The following TRNAU1AP variants were observed in gnomAD, a reference collection of about 807,000 sequenced individuals.
The protein encoded by TRNAU1AP is tRNA selenocysteine 1-associated protein 1.
Under a neutral mutation model 43.3 loss-of-function variants are expected in TRNAU1AP, and 33 were observed. The observed-to-expected ratio is 0.76, with a 90% CI of 0.58 to 1.02. The LOEUF (loss-of-function observed/expected upper bound fraction) is 1.02, where lower values mean the gene tolerates loss of function less well. Ranked by LOEUF, TRNAU1AP falls within the 50% of genes least tolerant of loss-of-function variation. The pLI is 0.00. For synonymous variants in TRNAU1AP, 143 were observed against 129.1 expected (o/e 1.11, Z -0.73); for missense variants, 290 against 362.7 (o/e 0.80, Z 1.63).
chr1:28,555,825 A>C (rs1300402333), intron 2 of TRNAU1AP, among the ~76,000 whole-genome samples: 1 of 151,012 alleles, frequency 6.6e-6, no homozygotes, highest in African/African-American at 2.4e-5. Flanking sequence ...CTGGTATGAA[A>C]ATTCATTCTG....
chr1:28,553,740 A>G lies in TRNAU1AP; in HGVS notation c.125+3A>G. ...ATTATCCGAAACCGCCTCACTGGGT[A>G]AGTCTCATCTCAGGTCTCTCTTAAT... is the stretch of plus-strand genomic sequence containing the variant. On this transcript the variant is annotated splice_donor_region_variant and intron_variant, in intron 2 of 8. Transcript: ENST00000373830. 6.2e-7 allele frequency: 1 copy of G among 1,613,130 alleles called. No individual in the cohort carries two copies. Among genetic ancestry groups the G allele is most frequent in the Non-Finnish European group, 8.5e-7 (1 of 1,179,100 alleles).
At chr1:28,567,162 CTCTCTT>C (rs1330067024) in intron 5 of TRNAU1AP, 126 bp from the exon 6 acceptor site, 6 of 920,040 alleles carry the variant, frequency 6.5e-6, no homozygotes, top group South Asian at 4.8e-5. Flanking sequence ...TTAATGGACT[CTCTCTT>C]TCTCTTCTCA....
chr1:28,571,598 A>G (rs552113498), intron 7 of TRNAU1AP, among the ~76,000 whole-genome samples: 1 of 152,212 alleles, frequency 6.6e-6, no homozygotes, highest in Non-Finnish European at 1.5e-5. Flanking sequence ...CCTGGCCAAC[A>G]TGGTGAAACC....
chr1:28,561,909 A>G (rs1305841240), intron 4 of TRNAU1AP, among the ~76,000 whole-genome samples: 2 of 152,178 alleles, frequency 1.3e-5, no homozygotes, highest in East Asian at 1.9e-4. Flanking sequence ...CGTCTCTACT[A>G]AAAATACAAC....
intron 8 of TRNAU1AP, among the ~76,000 whole-genome samples, chr1:28,577,144 A>G (rs1006786747): frequency 2.0e-5 from 3 of 152,142 alleles, no homozygotes; most frequent in Admixed American, 1.3e-4. Flanking sequence ...TTCTTCCACT[A>G]TGCACTTATT....
At chr1:28,568,450 T>G (rs1665588033) in intron 6 of TRNAU1AP, among the ~76,000 whole-genome samples, 1 of 152,160 alleles carries the variant, frequency 6.6e-6, no homozygotes, top group Non-Finnish European at 1.5e-5. Context: ...AAATTTTGTG[T>G]TTTTTGTAGA....
rs374688110 is a variant in TRNAU1AP at position 28,555,857 on chromosome 1, CT to C, written c.125+2134del. ...TCTGTAACCTTTCTCATTTTTTTTTCTTTTTTTTTTTTTTGAGACGGAGTCT... is the reference window on the plus strand; with the variant it reads ...TCTGTAACCTTTCTCATTTTTTTTTCTTTTTTTTTTTTTGAGACGGAGTCT... On this transcript the variant is annotated intron_variant, in intron 2 of 8. Coordinates refer to ENST00000373830, the MANE Select transcript of TRNAU1AP (RefSeq NM_017846.5). Among the ~76,000 whole-genome samples, 673 of 126,552 alleles carry C rather than the reference CT, an allele frequency of 5.3e-3. 2 individuals are homozygous for C. The highest frequency in any genetic ancestry group is 0.015 in the African/African-American group (517 of 34,576). 83.0% of individuals were successfully genotyped at this position (126,552 alleles called of 152,430 possible).
intron 4 of TRNAU1AP, among the ~76,000 whole-genome samples, chr1:28,561,941 A>C (rs528904136): frequency 2.6e-5 from 4 of 152,022 alleles, no homozygotes; most frequent in Non-Finnish European, 2.9e-5. Context: ...GCGTGGTGGC[A>C]GGCGCCTGTA....
rs1570264815 is a variant in TRNAU1AP at position 28,578,539 on chromosome 1, A to G, written c.*903A>G. On this transcript the variant is annotated 3_prime_UTR_variant, in exon 9 of 9. Transcript: ENST00000373830. ...TACAAAAAAATACAAACACAAATATACTTTTATTAGTCTTTTTATTCTTCT... is the reference window on the plus strand; with the variant it reads ...TACAAAAAAATACAAACACAAATATGCTTTTATTAGTCTTTTTATTCTTCT... 1 of 340,134 alleles carries G rather than the reference A, an allele frequency of 2.9e-6. No homozygotes were observed. The highest frequency in any genetic ancestry group is 2.4e-5 in the South Asian group (1 of 41,228). The allele number at this position is 340,134 out of a possible 1,614,324, so 21.1% of individuals were successfully genotyped here.
chr1:28,557,838 T>C (rs1665304410), intron 2 of TRNAU1AP, among the ~76,000 whole-genome samples: 1 of 152,032 alleles, frequency 6.6e-6, no homozygotes, highest in Non-Finnish European at 1.5e-5. Context: ...CCACCCACCT[T>C]GGCCTCCCAA....
chr1:28,577,075 T>TAC (rs891338413), intron 8 of TRNAU1AP, among the ~76,000 whole-genome samples: 2 of 152,126 alleles, frequency 1.3e-5, no homozygotes, highest in African/African-American at 4.8e-5. Flanking sequence ...CTAAAGTACA[T>TAC]ACACACACAC....
At position 28,564,730 on chromosome 1, in the gene TRNAU1AP, C is replaced by G; in HGVS notation, c.306C>G (p.Asp102Glu). 6.2e-7 allele frequency: 1 copy of G among 1,613,960 alleles called. No homozygotes were observed. Among genetic ancestry groups the G allele is most frequent in the East Asian group, 2.2e-5 (1 of 44,874 alleles). The change falls in exon 5 of 9, where the codon GAC becomes GAG. Residue 102 changes from aspartate (D) to glutamate (E), a missense_variant. Asp to Glu is a conservative substitution (Grantham distance 45). This residue lies in a region of TRNAU1AP where 174 missense variants were observed against 262.1 expected (regional missense o/e 0.66). Transcript: ENST00000373830. ...CTGAGTATTCCCTCTTTGTGGGGGA[C>G]CTGACCCCGGACGTGGATGATGGCA... Reference protein sequence around the residue: ...NSPEYSLFVGDLTPDVDDGML... With the variant: ...NSPEYSLFVGELTPDVDDGML...
At chr1:28,571,999 C>A in intron 8 of TRNAU1AP, 99 bp downstream of exon 8, 1 of 1,077,448 alleles carries the variant, frequency 9.3e-7, no homozygotes, top group African/African-American at 1.5e-5. Flanking sequence ...ATAAATTCTG[C>A]TCTGGAAGAA....
At position 28,564,751 on chromosome 1, in the gene TRNAU1AP, T is replaced by C; in HGVS notation, c.327T>C (p.Asp109=). 6.2e-7 allele frequency: 1 copy of C among 1,614,154 alleles called. No individual in the cohort carries two copies. Among genetic ancestry groups the C allele is most frequent in the Non-Finnish European group, 8.5e-7 (1 of 1,180,020 alleles). ...FVGDLTPDVD[D]GMLYEFFVKV... Reference sequence around the variant, plus strand: ...GGGACCTGACCCCGGACGTGGATGATGGCATGCTGTATGAATTCTTCGTCA... The same window carrying C: ...GGGACCTGACCCCGGACGTGGATGACGGCATGCTGTATGAATTCTTCGTCA... Residue 109 remains aspartate, a synonymous_variant, in exon 5 of 9, where the codon GAT becomes GAC. Transcript: ENST00000373830.
chr1:28,562,976 A>G (rs1167610207), intron 4 of TRNAU1AP, among the ~76,000 whole-genome samples: 5 of 150,362 alleles, frequency 3.3e-5, no homozygotes, highest in Admixed American at 6.7e-5. Context: ...GCTCACTGCA[A>G]TCTTTGCCGC....
chr1:28,561,626 G>A (rs1210389464), intron 4 of TRNAU1AP, among the ~76,000 whole-genome samples: 1 of 152,166 alleles, frequency 6.6e-6, no homozygotes, highest in Admixed American at 6.5e-5. Context: ...TCACAGTATT[G>A]AAGTTTTATT....
rs371541706 is a variant in TRNAU1AP, at chr1:28,553,648, C to G, written c.36C>G (p.Pro12=). Residue 12 remains proline (P), a synonymous_variant, in exon 2 of 9, where the codon CCC becomes CCG. Transcript: ENST00000373830. ...CTCTTGTTTTTACGCAGCTGGAACC[C>G]TACATGGATGAGAACTTCATCTCCA... ...AASLWMGDLE[P]YMDENFISRA... is the part of the protein sequence containing the mutation. 105 of 1,613,912 alleles carry G rather than the reference C, an allele frequency of 6.5e-5. No individual in the cohort carries two copies. The highest frequency in any genetic ancestry group is 8.1e-5 in the Non-Finnish European group (96 of 1,180,014).
intron 1 of TRNAU1AP, 105 bp from the exon 2 acceptor site, chr1:28,553,535 C>G (rs1475720235): frequency 9.1e-7 from 1 of 1,100,538 alleles, no homozygotes; most frequent in African/African-American, 1.6e-5. Flanking sequence ...CCCTCGCTCC[C>G]CCAGCGGCGC....
At chr1:28,561,110 C>T in intron 3 of TRNAU1AP, 1 of 1,396,056 alleles carries the variant, frequency 7.2e-7, no homozygotes, top group Non-Finnish European at 9.3e-7. Context: ...GCTCTTCCCA[C>T]AGTTACTTAG....
Sources: gnomAD v4.1 joint callset for allele counts (sites outside exome capture counted in the v4.1 genomes callset) on GRCh38, gnomAD v4.1.1 for gene constraint, gnomAD v4.1.1 regional missense constraint, MANE v1.5 for transcripts, NCBI Gene and HGNC (gene_info 2026-07-23, HGNC 2026-07-21) for gene names.